The following BRD4 variants were observed in gnomAD, a reference collection of about 807,000 sequenced individuals.
BRD4 encodes the protein bromodomain containing 4.
BRD4 carries 16 observed loss-of-function variants against 142.1 expected under a neutral mutation model. The ratio of observed to expected loss-of-function variants is 0.11; its 90% confidence interval spans 0.08 to 0.17. The LOEUF is 0.17. BRD4 is among the 10% of genes least tolerant of loss of function. BRD4 has a pLI of 1.00. For missense variants in BRD4, 1,424 were observed against 1,810.9 expected (o/e 0.79, Z 3.88); for synonymous variants, 833 against 707.5 (o/e 1.18, Z -2.82).
At chr19:15,276,923 C>T (rs1034252909) in intron 1 of BRD4, among the ~76,000 whole-genome samples, 2 of 152,132 alleles carry the variant, frequency 1.3e-5, no homozygotes, top group Non-Finnish European at 2.9e-5. Context: ...ACCCGAGGGA[C>T]AGGCGGCATC....
At chr19:15,290,392 T>A (rs969815649) in intron 1 of BRD4, among the ~76,000 whole-genome samples, 1 of 152,170 alleles carries the variant, frequency 6.6e-6, no homozygotes, top group Admixed American at 6.5e-5. Context: ...AGAAATAGAA[T>A]TTGTTCCCTT....
At chr19:15,260,767 G>A (rs2047460339) in intron 7 of BRD4, among the ~76,000 whole-genome samples, 1 of 149,384 alleles carries the variant, frequency 6.7e-6, no homozygotes, top group African/African-American at 2.5e-5. Context: ...CATTCAGGCA[G>A]GCTTACTCCC....
At position 15,244,370 on chromosome 19, in the gene BRD4, G is replaced by A; in HGVS notation, c.2442C>T (p.Gly814=). The A allele has an allele frequency of 1.2e-6, 2 of 1,605,498 alleles. No individual in the cohort carries two copies. The highest frequency in any genetic ancestry group is 1.7e-6 in the Non-Finnish European group (2 of 1,177,818). ...AGTGGCCGATGGGGTCAAAGACGCT[G>A]CCTGGGAGCTGGGGCTCCAGGACGG... ...QVPVLEPQLP[G]SVFDPIGHFT... is the part of the protein sequence containing the mutation. The change falls in exon 13 of 20, where the codon GGC becomes GGT. Residue 814 remains glycine (G), a synonymous_variant. Transcript: ENST00000679869.
rs117737277 is a variant in BRD4, at chr19:15,266,685, C to T, written c.559+731G>A. The stretch of plus-strand genomic sequence containing the variant: ...GGTGCAGCAGGGGATGTAGCAACCC[C>T]CTTTCTGCCACCACTTCAGAACAGC... On this transcript the variant is annotated intron_variant, in intron 4 of 19. Transcript: ENST00000679869. 6.5e-3 allele frequency among the ~76,000 whole-genome samples: 993 copies of T among 152,290 alleles called. 4 individuals carry two copies. Among genetic ancestry groups the T allele is most frequent in the Non-Finnish European group, 0.01 (711 of 68,018 alleles).
rs887636907 is a variant in BRD4 at position 15,289,797 on chromosome 19, G to A, written c.-34-16664C>T. Among the ~76,000 whole-genome samples the A allele has an allele frequency of 3.7e-4, 57 of 152,140 alleles. 1 individual carries two copies. Among genetic ancestry groups the A allele is most frequent in the Non-Finnish European group, 1.0e-4 (7 of 68,024 alleles). On this transcript the variant is annotated intron_variant, in intron 1 of 19. Coordinates refer to ENST00000679869, the MANE Select transcript of BRD4 (RefSeq NM_001379291.1). ...GCAATGGGAGAAGTGTGCTTGTAAG[G>A]ACACTGGAGCCCCCCAGCCTCTGGG...
chr19:15,292,902 G>A (rs2047795085), intron 1 of BRD4, among the ~76,000 whole-genome samples: 1 of 151,190 alleles, frequency 6.6e-6, no homozygotes, highest in Non-Finnish European at 1.5e-5. Flanking sequence ...TGAAAGGATT[G>A]CAGCAACAGA....
chr19:15,279,746 G>A (rs986285604), intron 1 of BRD4, among the ~76,000 whole-genome samples: 1 of 152,178 alleles, frequency 6.6e-6, no homozygotes, highest in African/African-American at 2.4e-5. Context: ...TCCCAGTTCC[G>A]TCCATCACAA....
rs1169598688 is a variant in BRD4 at position 15,243,504 on chromosome 19, C to T, written c.2582-17G>A. 1.3e-6 allele frequency: 2 copies of T among 1,540,116 alleles called. No individual in the cohort carries two copies. Among genetic ancestry groups the T allele is most frequent in the African/African-American group, 1.4e-5 (1 of 72,198 alleles). On this transcript the variant is annotated splice_polypyrimidine_tract_variant and intron_variant, in intron 13 of 19. Transcript: ENST00000679869. ...TGTGCAAAGCTGGAAGAACACAACA[C>T]CGAGGCGGTGAGGCCTGAGCACCTG...
At position 15,238,858 on chromosome 19, in the gene BRD4, G is replaced by A. The variant is rs1052018084; in HGVS notation, c.3905C>T (p.Ala1302Val). Residue 1302 changes from alanine (A) to valine (V), a missense_variant, in exon 19 of 20, where the codon GCT (alanine) becomes GTT (valine). Physicochemically the swap from Ala to Val is moderately conservative, Grantham distance 64. Around this residue, in one of 16 missense-constraint regions of BRD4, gnomAD observed 109 missense variants for 117.9 expected, o/e 0.92. Coordinates refer to ENST00000679869, the MANE Select transcript of BRD4 (RefSeq NM_001379291.1). The surrounding 1 kb of genome is among the most constrained non-coding windows in gnomAD (Gnocchi z 7.2). ...TGGGGTGGCGGCGGCAGCCACCGCA[G>A]CTGCTTGCTGTTGCTGCTGCTGCTG... ...EQQQQQQQQA[A>V]AVAAAATPQA... The A allele has an allele frequency of 1.9e-6, 3 of 1,601,870 alleles. No homozygotes were observed. The highest frequency in any genetic ancestry group is 2.6e-6 in the Non-Finnish European group (3 of 1,174,868).
rs2047191867 is a variant in BRD4, at chr19:15,236,351, T to C, written c.*2026A>G. 6.6e-6 allele frequency: 1 copy of C among 151,870 alleles called. No homozygotes were observed. The allele number at this position is 151,870 out of a possible 1,614,324, so 9.4% of individuals were successfully genotyped here. ...ACCTGTGGGCTTTCTTGGACAGGAA[T>C]GTGTGTGTATGTGCATGGGGGGTGA... is the stretch of plus-strand genomic sequence containing the variant. On this transcript the variant is annotated 3_prime_UTR_variant, in exon 20 of 20. Transcript: ENST00000679869.
At position 15,239,239 on chromosome 19, in the gene BRD4, G is replaced by A. The variant is rs2047218483; in HGVS notation, c.3602C>T (p.Ser1201Phe). The A allele has an allele frequency of 1.2e-6, 2 of 1,613,132 alleles. No individual in the cohort carries two copies. The highest frequency in any genetic ancestry group is 1.7e-6 in the Non-Finnish European group (2 of 1,179,898). The change falls in exon 18 of 20, where the codon TCC (serine) becomes TTC (phenylalanine). Residue 1201 changes from serine to phenylalanine, a missense_variant. This residue lies in a region of BRD4 where 49 missense variants were observed against 97.3 expected (regional missense o/e 0.50). Transcript: ENST00000679869. The surrounding 1 kb of genome is among the most constrained non-coding windows in gnomAD (Gnocchi z 7.4). ...KKDLKIKNMGSWASLVQKHPT... is the reference protein window; with the variant it reads ...KKDLKIKNMGFWASLVQKHPT... ...ATGCTTCTGCACTAGGCTGGCCCAG[G>A]AGCCCATGTTCTTGATTTTCAGGTC...
At chr19:15,282,310 G>A (rs191509069) in intron 1 of BRD4, among the ~76,000 whole-genome samples, 2 of 152,352 alleles carry the variant, frequency 1.3e-5, no homozygotes, top group Non-Finnish European at 2.9e-5. Context: ...AAGAGAATGT[G>A]ATGTTACATC....
intron 6 of BRD4, 72 bp downstream of exon 6, chr19:15,264,332 G>A (rs2047507165): frequency 6.6e-7 from 1 of 1,512,600 alleles, no homozygotes; most frequent in Admixed American, 2.1e-5. Flanking sequence ...TGGACTAAAA[G>A]GTCTAGGAAG....
chr19:15,280,160 T>A, intron 1 of BRD4: 1 of 745,852 alleles, frequency 1.3e-6, no homozygotes, highest in Non-Finnish European at 1.6e-6. Flanking sequence ...TTCATCATCA[T>A]CCCCATGGGG....
rs1444037742 is a variant in BRD4 at position 15,302,438 on chromosome 19, CGCA to C, written c.-34-29308_-34-29306del. Among the ~76,000 whole-genome samples the C allele has an allele frequency of 2.9e-3, 443 of 152,110 alleles. 4 individuals carry two copies. The highest frequency in any genetic ancestry group is 0.01 in the African/African-American group (419 of 41,544). ...TCTGTAAAACAGAGCAGTTCGGCCA[CGCA>C]CGGTGGCTCACGAGGTCAACAGATC... On this transcript the variant is annotated intron_variant, in intron 1 of 19. Transcript: ENST00000679869.
At chr19:15,280,200 G>C in intron 1 of BRD4, 11 of 974,908 alleles carry the variant, frequency 1.1e-5, no homozygotes, top group Non-Finnish European at 1.4e-5. Context: ...TGGCCTGGTT[G>C]GCTGGACGTC....
chr19:15,242,778 G>GC (rs2047248512), intron 14 of BRD4, 122 bp downstream of exon 14: 1 of 1,451,506 alleles, frequency 6.9e-7, no homozygotes, highest in Admixed American at 2.3e-5. Context: ...CCCCCTCCAA[G>GC]CTGAGGCTCA....
chr19:15,273,308 C>G (rs899434459), intron 1 of BRD4, among the ~76,000 whole-genome samples, 175 bp from the exon 2 acceptor site: 1 of 152,158 alleles, frequency 6.6e-6, no homozygotes, highest in Non-Finnish European at 1.5e-5. Flanking sequence ...TGTCTCCTCT[C>G]CCCAAAGACT....
intron 9 of BRD4, 76 bp downstream of exon 9, chr19:15,255,988 G>A: frequency 1.3e-6 from 2 of 1,568,096 alleles, no homozygotes; most frequent in Non-Finnish European, 1.7e-6. Flanking sequence ...GACAGGGAGG[G>A]GCAGTGGCCC....
Sources: allele counts gnomAD v4.1 joint callset (sites outside exome capture counted in the v4.1 genomes callset), GRCh38; gene constraint gnomAD v4.1.1; regional missense constraint gnomAD v4.1.1; non-coding constraint Gnocchi (gnomAD v3.1); transcripts MANE v1.5; gene names NCBI Gene and HGNC (gene_info 2026-07-23, HGNC 2026-07-21).